BMP6: variants seen among roughly 807,000 people sequenced by gnomAD.
The protein encoded by BMP6 is bone morphogenetic protein 6.
Under a neutral mutation model 54.1 loss-of-function variants are expected in BMP6, and 17 were observed. The observed-to-expected ratio is 0.31, with a 90% CI of 0.22 to 0.47. BMP6 has a LOEUF of 0.47. Ranked by LOEUF, BMP6 falls within the 20% of genes least tolerant of loss-of-function variation. BMP6 has a pLI of 1.00. For missense variants in BMP6, 720 were observed against 690.4 expected, an observed-to-expected ratio of 1.04 and a Z score of -0.48; for synonymous variants, 328 against 291.2, an observed-to-expected ratio of 1.13 and a Z score of -1.28.
chr6:7,788,170 T>A (rs1042912924), intron 1 of BMP6, among the ~76,000 whole-genome samples: 3 of 152,180 alleles, frequency 2.0e-5, no homozygotes, highest in Non-Finnish European at 4.4e-5. Flanking sequence ...GAAGATGGAG[T>A]CCTTGGAAAC....
At chr6:7,804,596 A>G (rs1302040626) in intron 1 of BMP6, among the ~76,000 whole-genome samples, 1 of 152,196 alleles carries the variant, frequency 6.6e-6, no homozygotes, top group Admixed American at 6.5e-5. Flanking sequence ...TAATGCTGGA[A>G]GTCTTTTTCT....
intron 1 of BMP6, among the ~76,000 whole-genome samples, chr6:7,786,538 AC>A (rs1758023416): frequency 6.7e-6 from 1 of 150,042 alleles, no homozygotes; most frequent in African/African-American, 2.5e-5. Context: ...CTTCCTTAGT[AC>A]AAGTCCTTGC....
chr6:7,811,664 T>C (rs1005506586), intron 1 of BMP6, among the ~76,000 whole-genome samples: 4 of 152,222 alleles, frequency 2.6e-5, no homozygotes, highest in African/African-American at 9.6e-5. Context: ...TAACGGGAGT[T>C]ACACAAGTAA....
chr6:7,819,232 T>C (rs147051015), intron 1 of BMP6, among the ~76,000 whole-genome samples: 1 of 152,282 alleles, frequency 6.6e-6, no homozygotes, highest in African/African-American at 2.4e-5. Flanking sequence ...GGTGACCAAT[T>C]TGTCCTAGTC....
intron 1 of BMP6, among the ~76,000 whole-genome samples, chr6:7,748,675 G>A (rs114698068): frequency 0.016 from 2,400 of 152,282 alleles, 22 homozygotes; most frequent in Middle Eastern, 0.027. Flanking sequence ...TCTGACTGGG[G>A]CGGAGATGTT....
intron 1 of BMP6, among the ~76,000 whole-genome samples, chr6:7,763,180 G>A (rs967118536): frequency 2.6e-5 from 4 of 152,194 alleles, no homozygotes; most frequent in African/African-American, 9.7e-5. Flanking sequence ...CTTGGAGAAA[G>A]TTCTCCCGTG....
intron 1 of BMP6, among the ~76,000 whole-genome samples, chr6:7,823,173 T>C (rs1758642269): frequency 6.6e-6 from 1 of 152,144 alleles, no homozygotes; most frequent in African/African-American, 2.4e-5. Context: ...TTCCTGAGCA[T>C]CTCCTGCAGA....
intron 1 of BMP6, among the ~76,000 whole-genome samples, chr6:7,811,178 G>C (rs538685519): frequency 1.3e-5 from 2 of 152,330 alleles, no homozygotes; most frequent in South Asian, 4.2e-4. Context: ...CTCGTCTTGA[G>C]AAGGCATCCA....
chr6:7,763,072 G>T (rs1757638832), intron 1 of BMP6, among the ~76,000 whole-genome samples: 1 of 152,212 alleles, frequency 6.6e-6, no homozygotes, highest in Non-Finnish European at 1.5e-5. Context: ...CTGCTTTGCA[G>T]ATACTCTTAT....
rs1188835240 is a variant in BMP6, at chr6:7,727,397, G to T, written c.442G>T (p.Asp148Tyr). The stretch of plus-strand genomic sequence containing the variant: ...GTACAACGCCCTGTCCGCCGACAAC[G>T]ACGAGGACGGGGCGTCGGAGGGGGA... Reference protein sequence around the residue: ...DLYNALSADNDEDGASEGERQ... With the variant: ...DLYNALSADNYEDGASEGERQ... Residue 148 changes from aspartate to tyrosine, a missense_variant, in exon 1 of 7, where the codon GAC (aspartate) becomes TAC (tyrosine). Physicochemically the swap from Asp to Tyr is radical, Grantham distance 160. Around this residue, in one of 3 missense-constraint regions of BMP6, gnomAD observed 650 missense variants for 556.3 expected, o/e 1.17. Transcript: ENST00000283147. The T allele has an allele frequency of 6.2e-7, 1 of 1,607,512 alleles. No individual in the cohort carries two copies. The highest frequency in any genetic ancestry group is 1.3e-5 in the African/African-American group (1 of 74,642).
At chr6:7,856,065 C>T (rs904984750) in intron 2 of BMP6, among the ~76,000 whole-genome samples, 11 of 137,912 alleles carry the variant, frequency 8.0e-5, no homozygotes, top group Non-Finnish European at 1.5e-4. Flanking sequence ...ATATTTGAAA[C>T]GTCTCTTCAT....
chr6:7,812,473 A>G (rs1758449412), intron 1 of BMP6, among the ~76,000 whole-genome samples: 1 of 152,254 alleles, frequency 6.6e-6, no homozygotes, highest in Non-Finnish European at 1.5e-5. Context: ...AGGAGACTGT[A>G]TAATGTACAT....
intron 1 of BMP6, among the ~76,000 whole-genome samples, chr6:7,810,379 C>T (rs923319271): frequency 2.0e-5 from 3 of 152,200 alleles, no homozygotes; most frequent in African/African-American, 7.2e-5. Context: ...CACTGAGGCC[C>T]AGTAATCTTA....
Position 7,727,318 on chromosome 6 carries a change from C to G in BMP6, c.363C>G (p.Arg121=). ...EEQQQQQQLP[R]GEPPPGRLKS... Reference sequence around the variant, plus strand: ...AGCAGCAGCAGCAGCAGCTGCCTCGCGGAGAGCCCCCTCCCGGGCGACTGA... The same window carrying G: ...AGCAGCAGCAGCAGCAGCTGCCTCGGGGAGAGCCCCCTCCCGGGCGACTGA... Residue 121 remains arginine, a synonymous_variant, in exon 1 of 7, where the codon CGC becomes CGG. Transcript: ENST00000283147. The G allele has an allele frequency of 6.2e-7, 1 of 1,608,824 alleles. No homozygotes were observed. The highest frequency in any genetic ancestry group is 8.5e-7 in the Non-Finnish European group (1 of 1,178,408).
chr6:7,822,334 GC>G (rs1198073098), intron 1 of BMP6, among the ~76,000 whole-genome samples: 1 of 152,148 alleles, frequency 6.6e-6, no homozygotes, highest in East Asian at 1.9e-4. Flanking sequence ...CTTTTAAGCA[GC>G]CCTAGCATTT....
intron 1 of BMP6, among the ~76,000 whole-genome samples, chr6:7,796,083 G>A (rs1375857529): frequency 6.6e-6 from 1 of 152,162 alleles, no homozygotes; most frequent in Non-Finnish European, 1.5e-5. Context: ...GGGCAGATGA[G>A]ATTGCCCAGG....
chr6:7,771,896 T>G (rs1757794342), intron 1 of BMP6, among the ~76,000 whole-genome samples: 1 of 151,796 alleles, frequency 6.6e-6, no homozygotes, highest in South Asian at 2.1e-4. Flanking sequence ...CTACTAAAAA[T>G]ACAAAAATTA....
intron 1 of BMP6, among the ~76,000 whole-genome samples, chr6:7,778,112 G>C (rs1043415081): frequency 6.6e-6 from 1 of 152,144 alleles, no homozygotes; most frequent in Non-Finnish European, 1.5e-5. Flanking sequence ...TTTACTGACT[G>C]TCGGCGACCA....
At chr6:7,826,769 T>C (rs1758704054) in intron 1 of BMP6, among the ~76,000 whole-genome samples, 1 of 151,974 alleles carries the variant, frequency 6.6e-6, no homozygotes, top group South Asian at 2.1e-4. Flanking sequence ...GTCCCAAATA[T>C]GCATAGCCAC....
Sources: allele counts gnomAD v4.1 joint callset (sites outside exome capture counted in the v4.1 genomes callset), GRCh38; gene constraint gnomAD v4.1.1; regional missense constraint gnomAD v4.1.1; transcripts MANE v1.5; gene names NCBI Gene and HGNC (gene_info 2026-07-23, HGNC 2026-07-21).